The following NEMP2 variants were observed in gnomAD, a reference collection of about 807,000 sequenced individuals.
NEMP2 encodes the protein nuclear envelope integral membrane protein 2, also known as UPF0571 transmembrane protein.
In NEMP2, 53 loss-of-function variants were observed where a neutral mutation model predicts 54.2. The ratio of observed to expected loss-of-function variants is 0.98; its 90% CI spans 0.78 to 1.23. The LOEUF is 1.23. Among genes scored for constraint, NEMP2 ranks in the 50% most tolerant of loss-of-function variants. The pLI, the probability that NEMP2 is intolerant of heterozygous loss-of-function variation, is 0.00. For missense variants in NEMP2, 455 were observed against 511.3 expected, an observed-to-expected ratio of 0.89 and a Z score of 1.06; for synonymous variants, 197 against 190.3, an observed-to-expected ratio of 1.04 and a Z score of -0.29.
chr2:190,565,353 G>A, the NEMP2 span, among the ~76,000 whole-genome samples: 3 of 152,156 alleles, frequency 2.0e-5, no homozygotes, highest in East Asian at 1.9e-4. Context: ...CTAACCCCTA[G>A]GCCAATGTTT....
chr2:190,584,143 G>A, the NEMP2 span, among the ~76,000 whole-genome samples: 1 of 152,122 alleles, frequency 6.6e-6, no homozygotes, highest in Non-Finnish European at 1.5e-5. This position sits in a 1 kb window ranked among gnomAD's most constrained non-coding sequence, Gnocchi z 4.2. Flanking sequence ...GTAAGCGAAG[G>A]TCTGTTTCAC....
rs1690412260 is a variant in NEMP2 at position 190,512,766 on chromosome 2, T to C, written c.953+1687A>G. On this transcript the variant is annotated intron_variant, in intron 7 of 8. Coordinates refer to ENST00000409150, the MANE Select transcript of NEMP2 (RefSeq NM_001142645.2). This position sits in a 1 kb window ranked among gnomAD's most constrained non-coding sequence, Gnocchi z 4.5. Reference sequence around the variant, plus strand: ...AAAGACCTCTGGTGTTCCGAGTCACTGTTTGCCTCGGGCAGATGGGGCAAA... The same window carrying C: ...AAAGACCTCTGGTGTTCCGAGTCACCGTTTGCCTCGGGCAGATGGGGCAAA... Among the ~76,000 whole-genome samples, 1 of 152,220 alleles carries C rather than the reference T, an allele frequency of 6.6e-6. No homozygotes were observed. The highest frequency in any genetic ancestry group is 1.5e-5 in the Non-Finnish European group (1 of 68,034).
At chr2:190,476,440 GAC>G in the NEMP2 span, among the ~76,000 whole-genome samples, 7 of 152,250 alleles carry the variant, frequency 4.6e-5, no homozygotes, top group South Asian at 1.0e-3. Flanking sequence ...GCAGCCAACA[GAC>G]ACATGAAAAA....
chr2:190,436,520 G>T, the NEMP2 span: 4 of 1,614,100 alleles, frequency 2.5e-6, no homozygotes, highest in Non-Finnish European at 3.4e-6. The surrounding 1 kb of genome is among the most constrained non-coding windows in gnomAD (Gnocchi z 5.3). Context: ...CCAAAGATTC[G>T]CCCAACAACT....
chr2:190,531,007 T>G lies in NEMP2; in HGVS notation c.97+3552A>C, dbSNP rs1197732220. On this transcript the variant is annotated intron_variant, in intron 1 of 8. Coordinates refer to ENST00000409150, the MANE Select transcript of NEMP2 (RefSeq NM_001142645.2). This position sits in a 1 kb window ranked among gnomAD's most constrained non-coding sequence, Gnocchi z 4.7. ...GGTGAAACCCTGTCTTTACCAAAAA[T>G]AAAAAATTGGCCAGGATCATAATTC... is the stretch of plus-strand genomic sequence containing the variant. Among the ~76,000 whole-genome samples, 1 of 151,930 alleles carries G rather than the reference T, an allele frequency of 6.6e-6. No individual in the cohort carries two copies. The highest frequency in any genetic ancestry group is 6.6e-5 in the Admixed American group (1 of 15,260).
At chr2:190,468,033 T>C in the NEMP2 span, among the ~76,000 whole-genome samples, 1 of 152,222 alleles carries the variant, frequency 6.6e-6, no homozygotes, top group Non-Finnish European at 1.5e-5. Flanking sequence ...GCTTAGAATT[T>C]GTAAAAGGAG....
At chr2:190,602,423 C>A in the NEMP2 span, among the ~76,000 whole-genome samples, 40,202 of 152,064 alleles carry the variant, frequency 0.26, 6,135 homozygotes, top group Admixed American at 0.44. Context: ...GGATGATGCC[C>A]ACACACATTA....
In NEMP2 at chr2:190,509,494, A is replaced by G. The variant is rs1162830729; in HGVS notation, c.1131-182T>C. On this transcript the variant is annotated intron_variant, in intron 8 of 8. Coordinates refer to ENST00000409150, the MANE Select transcript of NEMP2 (RefSeq NM_001142645.2). This position sits in a 1 kb window ranked among gnomAD's most constrained non-coding sequence, Gnocchi z 6.1. ...TTATGTGATCCCTCTAAAAACAGCTATTCATGGAAAGGGCAGAGAATTAGG... is the reference window on the plus strand; with the variant it reads ...TTATGTGATCCCTCTAAAAACAGCTGTTCATGGAAAGGGCAGAGAATTAGG... Among the ~76,000 whole-genome samples the G allele has an allele frequency of 1.3e-5, 2 of 152,206 alleles. No homozygotes were observed. Among genetic ancestry groups the G allele is most frequent in the African/African-American group, 2.4e-5 (1 of 41,440 alleles).
chr2:190,542,599 G>T, the NEMP2 span, among the ~76,000 whole-genome samples: 5 of 151,960 alleles, frequency 3.3e-5, no homozygotes, highest in East Asian at 9.6e-4. This position sits in a 1 kb window ranked among gnomAD's most constrained non-coding sequence, Gnocchi z 4.6. Flanking sequence ...TCTTCTGGCT[G>T]TGTCTTTTTA....
chr2:190,648,429 C>T, the NEMP2 span: 1 of 152,024 alleles, frequency 6.6e-6, no homozygotes, highest in African/African-American at 2.4e-5. Context: ...GGACGCCTCG[C>T]CCCCCCGGGC....
chr2:190,436,924 G>T, the NEMP2 span: 1 of 1,614,188 alleles, frequency 6.2e-7, no homozygotes, highest in Non-Finnish European at 8.5e-7. This position sits in a 1 kb window ranked among gnomAD's most constrained non-coding sequence, Gnocchi z 5.3. Flanking sequence ...CATAATAGGA[G>T]AATTTTTCAG....
chr2:190,485,663 C>T, the NEMP2 span, among the ~76,000 whole-genome samples: 1 of 151,936 alleles, frequency 6.6e-6, no homozygotes, highest in East Asian at 1.9e-4. The surrounding 1 kb of genome is among the most constrained non-coding windows in gnomAD (Gnocchi z 5.1). Context: ...TAAGACTATC[C>T]AGGCATTATT....
chr2:190,441,094 C>G, the NEMP2 span, among the ~76,000 whole-genome samples: 2 of 152,220 alleles, frequency 1.3e-5, no homozygotes, highest in African/African-American at 4.8e-5. Flanking sequence ...ATCATGCCTA[C>G]TTTTTTTTCT....
At chr2:190,496,668 ATGTGTGTGTG>A in the NEMP2 span, among the ~76,000 whole-genome samples, 6 of 151,576 alleles carry the variant, frequency 4.0e-5, no homozygotes, top group African/African-American at 1.5e-4. This position sits in a 1 kb window ranked among gnomAD's most constrained non-coding sequence, Gnocchi z 4.7. Flanking sequence ...ATGTGTGTGT[ATGTGTGTGTG>A]TATATACACA....
upstream of NEMP2, among the ~76,000 whole-genome samples, chr2:190,537,388 G>A (rs1034332255): frequency 6.6e-5 from 10 of 152,298 alleles, no homozygotes; most frequent in African/African-American, 2.2e-4. Context: ...ACTGAATCAT[G>A]GGGGTTATTC....
chr2:190,495,036 A>G, the NEMP2 span, among the ~76,000 whole-genome samples: 1 of 152,218 alleles, frequency 6.6e-6, no homozygotes, highest in African/African-American at 2.4e-5. The surrounding 1 kb of genome is among the most constrained non-coding windows in gnomAD (Gnocchi z 4.7). Flanking sequence ...AGGGCATCCA[A>G]ATAGGTAAAG....
chr2:190,437,241 A>G, the NEMP2 span: 1 of 1,614,154 alleles, frequency 6.2e-7, no homozygotes, highest in Non-Finnish European at 8.5e-7. The surrounding 1 kb of genome is among the most constrained non-coding windows in gnomAD (Gnocchi z 5.9). Flanking sequence ...CTAAAGGGAA[A>G]GAGGTGGAGA....
chr2:190,534,411 G>A (rs1380991248), intron 1 of NEMP2, 148 bp downstream of exon 1: 16 of 1,216,730 alleles, frequency 1.3e-5, no homozygotes, highest in African/African-American at 1.6e-5. Flanking sequence ...GGCGGGGCCT[G>A]CCCGGGAGAC....
At chr2:190,422,888 C>T in the NEMP2 span, among the ~76,000 whole-genome samples, 1 of 151,020 alleles carries the variant, frequency 6.6e-6, no homozygotes, top group Non-Finnish European at 1.5e-5. Context: ...CTACTTTCAT[C>T]TTTTTTTTTC....
Sources: allele counts gnomAD v4.1 joint callset (sites outside exome capture counted in the v4.1 genomes callset), GRCh38; gene constraint gnomAD v4.1.1; non-coding constraint Gnocchi (gnomAD v3.1); transcripts MANE v1.5; gene names NCBI Gene and HGNC (gene_info 2026-07-23, HGNC 2026-07-21).